The following DLGAP2 variants were observed in gnomAD, a reference collection of about 807,000 sequenced individuals.
DLGAP2 encodes disks large-associated protein 2.
DLGAP2 carries 26 observed loss-of-function variants against 100.3 expected under a neutral mutation model. The ratio of observed to expected loss-of-function variants is 0.26; its 90% CI spans 0.19 to 0.36. The LOEUF is 0.36. DLGAP2 is among the 10% of genes least tolerant of loss of function. The pLI is 1.00. For synonymous variants in DLGAP2, 886 were observed against 630.1 expected, an observed-to-expected ratio of 1.41 and a Z score of -6.08; for missense variants, 1,858 against 1,453.2, an observed-to-expected ratio of 1.28 and a Z score of -4.53.
intron 2 of DLGAP2, among the ~76,000 whole-genome samples, chr8:1,253,319 C>T (rs1310791763): frequency 6.6e-6 from 1 of 152,120 alleles, no homozygotes; most frequent in African/African-American, 2.4e-5. Context: ...GCCAGGGCCC[C>T]TTTATCTCCC....
chr8:1,355,821 T>C (rs1801835650), intron 3 of DLGAP2, among the ~76,000 whole-genome samples: 1 of 152,114 alleles, frequency 6.6e-6, no homozygotes. Context: ...GTCCTGGCCA[T>C]GCCCACCAGC....
chr8:780,409 C>G (rs541705766), intron 1 of DLGAP2, among the ~76,000 whole-genome samples: 3 of 152,330 alleles, frequency 2.0e-5, no homozygotes, highest in East Asian at 1.9e-4. Flanking sequence ...TAGGTTGATT[C>G]CATATCTTGT....
intron 3 of DLGAP2, among the ~76,000 whole-genome samples, chr8:1,279,969 T>C (rs76746671): frequency 0.018 from 2,777 of 152,244 alleles, 108 homozygotes; most frequent in African/African-American, 0.063. Context: ...CTATGTTGTG[T>C]CTACTGTACC....
At chr8:1,628,228 T>C (rs547014163) in intron 7 of DLGAP2, among the ~76,000 whole-genome samples, 1,491 of 80,686 alleles carry the variant, frequency 0.018, 55 homozygotes, top group Middle Eastern at 0.025. Flanking sequence ...CTCACATTCT[T>C]TCTGACTTAC....
At chr8:1,247,104 C>A in intron 2 of DLGAP2, 2 of 204,806 alleles carry the variant, frequency 9.8e-6, no homozygotes, top group Non-Finnish European at 1.9e-5. Context: ...CCGGCAAGAC[C>A]TTTGAGATCA....
At chr8:1,475,240 C>T (rs1798899933) in intron 3 of DLGAP2, among the ~76,000 whole-genome samples, 1 of 151,972 alleles carries the variant, frequency 6.6e-6, no homozygotes, top group Non-Finnish European at 1.5e-5. Flanking sequence ...CAGTATCCGT[C>T]ATACCCCAAA....
chr8:1,242,434 G>T, intron 2 of DLGAP2, among the ~76,000 whole-genome samples: 1 of 152,228 alleles, frequency 6.6e-6, no homozygotes, highest in South Asian at 2.1e-4. Flanking sequence ...TGGCCCGTCT[G>T]TTCTTTCCTG....
chr8:1,231,566 AAG>A (rs1457146714), intron 2 of DLGAP2, among the ~76,000 whole-genome samples: 2 of 152,228 alleles, frequency 1.3e-5, no homozygotes, highest in Non-Finnish European at 2.9e-5. Flanking sequence ...CACGATAGCA[AAG>A]AGAGGAAATC....
intron 2 of DLGAP2, among the ~76,000 whole-genome samples, chr8:911,612 G>T (rs1289839431): frequency 6.6e-6 from 1 of 151,832 alleles, no homozygotes. Context: ...GCTGGAGAAT[G>T]TTGGAAGGAT....
intron 3 of DLGAP2, among the ~76,000 whole-genome samples, chr8:1,392,018 G>C (rs1366582848): frequency 6.6e-6 from 1 of 152,202 alleles, no homozygotes; most frequent in Non-Finnish European, 1.5e-5. Flanking sequence ...GTGAAGAACT[G>C]TTTGAATCGC....
intron 1 of DLGAP2, among the ~76,000 whole-genome samples, chr8:782,284 A>G (rs534122335): frequency 1.3e-5 from 2 of 152,240 alleles, no homozygotes; most frequent in South Asian, 2.1e-4. Flanking sequence ...TTAGAATTCC[A>G]TAGATAACCT....
At chr8:1,206,448 T>G (rs372559619) in intron 2 of DLGAP2, among the ~76,000 whole-genome samples, 94 of 47,898 alleles carry the variant, frequency 2.0e-3, no homozygotes, top group Middle Eastern at 0.023. Context: ...ATCCGTGGAC[T>G]GGGGTAGACT....
intron 3 of DLGAP2, chr8:1,259,752 T>C (rs985084050): frequency 2.0e-5 from 3 of 152,138 alleles, no homozygotes; most frequent in African/African-American, 7.2e-5. Context: ...TCACAGAAGC[T>C]CAACCGTGTC....
intron 2 of DLGAP2, among the ~76,000 whole-genome samples, chr8:1,136,986 G>A (rs1796428251): frequency 6.6e-6 from 1 of 152,208 alleles, no homozygotes; most frequent in Admixed American, 6.5e-5. Context: ...TCTCAAGATG[G>A]TGCCCAGCCA....
intron 3 of DLGAP2, among the ~76,000 whole-genome samples, chr8:1,415,134 G>A (rs549710392): frequency 6.6e-6 from 1 of 152,342 alleles, no homozygotes; most frequent in South Asian, 2.1e-4. Flanking sequence ...ATACAAACAG[G>A]TACACACATG....
At chr8:1,391,497 G>A (rs1430913778) in intron 3 of DLGAP2, among the ~76,000 whole-genome samples, 4 of 152,162 alleles carry the variant, frequency 2.6e-5, no homozygotes, top group African/African-American at 7.2e-5. Context: ...AATGATAATA[G>A]CTGGGGTTTT....
chr8:1,386,476 C>T (rs553383984), intron 3 of DLGAP2, among the ~76,000 whole-genome samples: 2 of 152,210 alleles, frequency 1.3e-5, no homozygotes, highest in African/African-American at 2.4e-5. Context: ...CTGGGAGAAC[C>T]TGCAGAATTC....
At chr8:1,303,505 C>T (rs986999002) in intron 3 of DLGAP2, among the ~76,000 whole-genome samples, 2 of 152,106 alleles carry the variant, frequency 1.3e-5, no homozygotes, top group African/African-American at 2.4e-5. Context: ...AAGATCTCAG[C>T]TTCGCAGACC....
chr8:1,333,308 G>C (rs1017065496), intron 3 of DLGAP2, among the ~76,000 whole-genome samples: 1 of 152,164 alleles, frequency 6.6e-6, no homozygotes, highest in African/African-American at 2.4e-5. Context: ...ACACGGGGAC[G>C]GGCAGGGCTG....
Sources: gnomAD v4.1 joint callset for allele counts (sites outside exome capture counted in the v4.1 genomes callset) on GRCh38, gnomAD v4.1.1 for gene constraint, MANE v1.5 for transcripts, NCBI Gene and HGNC (gene_info 2026-07-23, HGNC 2026-07-21) for gene names.